Variants in PRKAR1B observed in about 807,000 individuals in gnomAD.
PRKAR1B encodes cAMP-dependent protein kinase type I-beta regulatory subunit.
A neutral mutation model predicts 46.5 loss-of-function variants in PRKAR1B; 22 were observed. That is an observed-to-expected ratio of 0.47 (90% CI 0.34 to 0.68). The LOEUF (loss-of-function observed/expected upper bound fraction) is 0.68, where lower values mean the gene tolerates loss of function less well. PRKAR1B is among the 30% of genes least tolerant of loss of function. The pLI is 0.01. For synonymous variants in PRKAR1B, 259 were observed against 217.7 expected (o/e 1.19, Z -1.67); for missense variants, 445 against 535.6 (o/e 0.83, Z 1.67).
At chr7:680,754 G>C (rs372359732) in intron 2 of PRKAR1B, 28 bp from the exon 3 acceptor site, 1 of 1,613,238 alleles carries the variant, frequency 6.2e-7, no homozygotes, top group Non-Finnish European at 8.5e-7. Context: ...ACACAGAAAG[G>C]AAGTAAGAAC....
chr7:706,585 A>ATTTTTT (rs754034242), intron 2 of PRKAR1B, among the ~76,000 whole-genome samples: 5 of 113,736 alleles, frequency 4.4e-5, no homozygotes, highest in East Asian at 5.3e-4. Context: ...TGCCCAGCTA[A>ATTTTTT]TTTTTTTTTT....
chr7:563,391 G>A (rs1413344639), intron 9 of PRKAR1B, among the ~76,000 whole-genome samples: 1 of 152,264 alleles, frequency 6.6e-6, no homozygotes, highest in Non-Finnish European at 1.5e-5. Context: ...AAAGGAAGGG[G>A]TGCCACTGCT....
intron 2 of PRKAR1B, among the ~76,000 whole-genome samples, chr7:694,547 C>T (rs2128518409): frequency 6.6e-6 from 1 of 152,280 alleles, no homozygotes; most frequent in African/African-American, 2.4e-5. Context: ...CTGGCGAACT[C>T]CTACATATAC....
intron 2 of PRKAR1B, among the ~76,000 whole-genome samples, chr7:704,469 C>T (rs1344158268): frequency 2.6e-5 from 4 of 152,164 alleles, no homozygotes; most frequent in African/African-American, 9.6e-5. Flanking sequence ...TGAAACGGAA[C>T]AATGCCTTGA....
chr7:649,635 T>C (rs553277171), intron 4 of PRKAR1B, among the ~76,000 whole-genome samples: 1 of 152,146 alleles, frequency 6.6e-6, no homozygotes, highest in African/African-American at 2.4e-5. Flanking sequence ...TGGATTGCAG[T>C]GACGACCCTG....
intron 9 of PRKAR1B, among the ~76,000 whole-genome samples, chr7:566,451 C>G (rs938772801): frequency 2.6e-5 from 4 of 152,140 alleles, no homozygotes; most frequent in Non-Finnish European, 5.9e-5. Flanking sequence ...CCACAACCAT[C>G]ATCACCATCT....
intron 2 of PRKAR1B, among the ~76,000 whole-genome samples, chr7:682,636 T>C (rs1196953714): frequency 6.6e-6 from 1 of 151,632 alleles, no homozygotes; most frequent in African/African-American, 2.4e-5. Context: ...TCCCAGCTAC[T>C]CCGGAGGCTG....
chr7:697,647 A>G (rs1011290408), intron 2 of PRKAR1B, among the ~76,000 whole-genome samples: 10 of 151,828 alleles, frequency 6.6e-5, no homozygotes, highest in Non-Finnish European at 1.3e-4. Flanking sequence ...GAGGGCTCAC[A>G]TGGTACCAAC....
intron 2 of PRKAR1B, among the ~76,000 whole-genome samples, chr7:692,780 C>T (rs988816807): frequency 6.6e-6 from 1 of 152,100 alleles, no homozygotes; most frequent in Admixed American, 6.5e-5. Context: ...GGGCACTCAA[C>T]GCACGTTCAG....
chr7:676,383 G>A (rs1018667742), intron 4 of PRKAR1B, among the ~76,000 whole-genome samples: 1 of 152,052 alleles, frequency 6.6e-6, no homozygotes, highest in Non-Finnish European at 1.5e-5. Flanking sequence ...TCAGGCCTCC[G>A]AGCTCCCGGC....
rs1364657112 is a variant in PRKAR1B, at chr7:549,477, C to T, written c.*953G>A. 1 of 152,396 alleles carries T rather than the reference C, an allele frequency of 6.6e-6. No individual in the cohort carries two copies. The highest frequency in any genetic ancestry group is 2.4e-5 in the African/African-American group (1 of 41,456). 9.4% of individuals were successfully genotyped at this position (152,396 alleles called of 1,614,324 possible). A position where few individuals can be genotyped will look rare whatever the true frequency, so the allele number is the denominator to read the frequency against. On this transcript the variant is annotated 3_prime_UTR_variant, in exon 11 of 11. Transcript: ENST00000537384. ...TGTCTTTCGGGGGAACCCAGGAATC[C>T]CCTGGGAAGCTTCTCTGCACTGGCC...
intron 9 of PRKAR1B, among the ~76,000 whole-genome samples, chr7:577,292 C>T (rs904181492): frequency 2.0e-5 from 3 of 152,228 alleles, no homozygotes; most frequent in African/African-American, 7.2e-5. Context: ...GAGAGGTGCC[C>T]TCCTTCTGGA....
intron 4 of PRKAR1B, among the ~76,000 whole-genome samples, chr7:647,972 C>A (rs1784711788): frequency 6.6e-6 from 1 of 151,600 alleles, no homozygotes; most frequent in Admixed American, 6.6e-5. Flanking sequence ...ACATCAAGAC[C>A]CCAGCTCTAC....
chr7:645,744 C>T (rs1784590205), intron 4 of PRKAR1B, among the ~76,000 whole-genome samples: 1 of 152,066 alleles, frequency 6.6e-6, no homozygotes, highest in Admixed American at 6.5e-5. Context: ...CCTGGGGCTC[C>T]CAGGGGACCC....
In PRKAR1B at chr7:602,277, C is replaced by A. The variant is rs765748028; in HGVS notation, c.549+3916G>T. On this transcript the variant is annotated intron_variant, in intron 6 of 10. Transcript: ENST00000537384. This position sits in a 1 kb window ranked among gnomAD's most constrained non-coding sequence, Gnocchi z 6.4. ...CTGTCATGTATGAAGGAGTTACAGA[C>A]GGCGGCGGGGGGAGGGGGGGTCTGT... Among the ~76,000 whole-genome samples the A allele has an allele frequency of 1.8e-4, 18 of 97,340 alleles. No homozygotes were observed. The highest frequency in any genetic ancestry group is 5.6e-4 in the South Asian group (1 of 1,792). 63.9% of individuals were successfully genotyped at this position (97,340 alleles called of 152,430 possible).
At chr7:555,759 T>C (rs773799398) in intron 9 of PRKAR1B, among the ~76,000 whole-genome samples, 1 of 152,170 alleles carries the variant, frequency 6.6e-6, no homozygotes, top group East Asian at 1.9e-4. Flanking sequence ...AGAGTCCCGC[T>C]GCCTCCACAA....
chr7:616,504 G>C (rs1164978232), intron 4 of PRKAR1B, among the ~76,000 whole-genome samples: 3 of 152,260 alleles, frequency 2.0e-5, no homozygotes, highest in East Asian at 3.8e-4. Context: ...CGTCCTGCCA[G>C]CCGGCGGGGC....
At position 581,943 on chromosome 7, in the gene PRKAR1B, T is replaced by A. The variant is rs151090651; in HGVS notation, c.769+2565A>T. On this transcript the variant is annotated intron_variant, in intron 8 of 10. Transcript: ENST00000537384. ...TATGTTATCGAGGCTGGTCTGGAGT[T>A]CATGGCCTCAAGTGATCCTCCCACC... Among the ~76,000 whole-genome samples, 831 of 152,322 alleles carry A rather than the reference T, an allele frequency of 5.5e-3. 5 individuals carry two copies. Among genetic ancestry groups the A allele is most frequent in the African/African-American group, 0.019 (790 of 41,568 alleles).
chr7:711,210 GAC>G, intron 2 of PRKAR1B, 117 bp downstream of exon 2: 6 of 1,376,368 alleles, frequency 4.4e-6, no homozygotes, highest in Non-Finnish European at 6.0e-6. Flanking sequence ...CAGGACGGCA[GAC>G]AGTCTCTGGG....
Sources: gnomAD v4.1 joint callset for allele counts (sites outside exome capture counted in the v4.1 genomes callset) on GRCh38, gnomAD v4.1.1 for gene constraint, Gnocchi (gnomAD v3.1) non-coding constraint, MANE v1.5 for transcripts, NCBI Gene and HGNC (gene_info 2026-07-23, HGNC 2026-07-21) for gene names.